Variants in LRRC36 observed in about 807,000 individuals in gnomAD.
LRRC36 encodes the protein leucine rich repeat containing 36.
Under a neutral mutation model 81.1 loss-of-function variants are expected in LRRC36, and 62 were observed. That is an observed-to-expected ratio of 0.76 (90% CI 0.62 to 0.94). The LOEUF is 0.94. Ranked by LOEUF, LRRC36 falls within the 40% of genes least tolerant of loss-of-function variation. The probability of loss-of-function intolerance (pLI) is 0.00; values close to 1 mark genes in which losing one functional copy is unlikely to be tolerated. For synonymous variants in LRRC36, 334 were observed against 348.6 expected (o/e 0.96, Z 0.47); for missense variants, 761 against 881.7 (o/e 0.86, Z 1.73).
At chr16:67,373,007 T>C (rs2039717938) in intron 9 of LRRC36, among the ~76,000 whole-genome samples, 1 of 152,206 alleles carries the variant, frequency 6.6e-6, no homozygotes, top group South Asian at 2.1e-4. Flanking sequence ...TTTGGGATGT[T>C]ATATTAATCA....
At chr16:67,356,990 G>A (rs896427961) in intron 5 of LRRC36, among the ~76,000 whole-genome samples, 3 of 152,154 alleles carry the variant, frequency 2.0e-5, no homozygotes, top group Non-Finnish European at 4.4e-5. Flanking sequence ...ATCTCTTAGA[G>A]GTGAGGCATG....
chr16:67,361,501 AT>A (rs1424932528), intron 5 of LRRC36, among the ~76,000 whole-genome samples: 1 of 152,206 alleles, frequency 6.6e-6, no homozygotes, highest in African/African-American at 2.4e-5. Context: ...GTTAAAATTT[AT>A]CACTTTTTTG....
intron 6 of LRRC36, 38 bp downstream of exon 6, chr16:67,363,752 C>A: frequency 1.2e-6 from 2 of 1,603,354 alleles, no homozygotes; most frequent in Admixed American, 3.4e-5. Flanking sequence ...GTTGACTAGT[C>A]AATGATTAAT....
At chr16:67,350,741 T>A (rs1225519837) in intron 5 of LRRC36, among the ~76,000 whole-genome samples, 1 of 152,152 alleles carries the variant, frequency 6.6e-6, no homozygotes, top group Non-Finnish European at 1.5e-5. Context: ...CCAATATAGC[T>A]AAAGTGGTTA....
intron 1 of LRRC36, among the ~76,000 whole-genome samples, chr16:67,328,990 A>T (rs2037343499): frequency 6.6e-6 from 1 of 152,012 alleles, no homozygotes; most frequent in Non-Finnish European, 1.5e-5. Flanking sequence ...GCTCACTGTA[A>T]TCTCCACCTC....
At chr16:67,336,002 G>A (rs1411088443) in intron 1 of LRRC36, among the ~76,000 whole-genome samples, 1 of 152,200 alleles carries the variant, frequency 6.6e-6, no homozygotes, top group Non-Finnish European at 1.5e-5. Flanking sequence ...AAAGTGTTGG[G>A]ATTACAGGCG....
At chr16:67,352,591 C>T (rs1307431097) in intron 5 of LRRC36, among the ~76,000 whole-genome samples, 1 of 151,618 alleles carries the variant, frequency 6.6e-6, no homozygotes, top group East Asian at 1.9e-4. Flanking sequence ...TTTCTCTTTG[C>T]CCCTATTGAT....
At chr16:67,346,198 T>C in intron 2 of LRRC36, 58 bp from the exon 3 acceptor site, 2 of 1,075,594 alleles carry the variant, frequency 1.9e-6, no homozygotes, top group Admixed American at 2.3e-5. Flanking sequence ...CATCTTTATC[T>C]ATGAGGTTCC....
At chr16:67,366,016 G>A (rs769072641) in intron 7 of LRRC36, among the ~76,000 whole-genome samples, 17 of 152,054 alleles carry the variant, frequency 1.1e-4, no homozygotes, top group Non-Finnish European at 1.6e-4. Context: ...AGGTCTATTA[G>A]TGATGAGCTC....
chr16:67,329,222 A>C (rs2142549819), intron 1 of LRRC36, among the ~76,000 whole-genome samples: 1 of 152,162 alleles, frequency 6.6e-6, no homozygotes, highest in South Asian at 2.1e-4. Flanking sequence ...ATGTATTTTT[A>C]AAAGCTAAGA....
At chr16:67,336,538 A>G (rs1223464035) in intron 1 of LRRC36, 1 of 152,128 alleles carries the variant, frequency 6.6e-6, no homozygotes, top group Non-Finnish European at 1.5e-5. Flanking sequence ...GTGGTATCTC[A>G]TTTTAATTTG....
Position 67,385,141 on chromosome 16 carries a change from C to T in LRRC36, c.*52C>T, listed in dbSNP as rs759451155. 34 of 1,375,596 alleles carry T rather than the reference C, an allele frequency of 2.5e-5. No individual in the cohort carries two copies. The highest frequency in any genetic ancestry group is 3.3e-5 in the Non-Finnish European group (32 of 970,048). The allele number at this position is 1,375,596 out of a possible 1,614,324, so 85.2% of individuals were successfully genotyped here. A position where few individuals can be genotyped will look rare whatever the true frequency, so the allele number is the denominator to read the frequency against. ...TTCCCTGGTCCACAGAGGCTCTCAC[C>T]GCCATTGCCACCAGTATGGTGGTAT... On this transcript the variant is annotated 3_prime_UTR_variant, in exon 14 of 14. Transcript: ENST00000329956.
At chr16:67,367,982 C>T (rs1350404186) in intron 8 of LRRC36, among the ~76,000 whole-genome samples, 1 of 152,202 alleles carries the variant, frequency 6.6e-6, no homozygotes, top group East Asian at 1.9e-4. Context: ...TTGCTTGAAC[C>T]TGGGAGGCAG....
chr16:67,334,513 C>T (rs527827962), intron 1 of LRRC36, among the ~76,000 whole-genome samples: 10 of 151,856 alleles, frequency 6.6e-5, no homozygotes, highest in South Asian at 6.2e-4. Context: ...TTAGTAGAGA[C>T]GGGGTTTCAC....
chr16:67,326,951 G>A lies in LRRC36; in HGVS notation c.70+19G>A. ...CAGCCGGGTAGGGTCTGGCCGGGAGGGTGTGGACTGGGAACGTAGGGTCAG... is the reference window on the plus strand; with the variant it reads ...CAGCCGGGTAGGGTCTGGCCGGGAGAGTGTGGACTGGGAACGTAGGGTCAG... On this transcript the variant is annotated intron_variant, in intron 1 of 13. Coordinates refer to ENST00000329956, the MANE Select transcript of LRRC36 (RefSeq NM_018296.6). 6.7e-7 allele frequency: 1 copy of A among 1,495,700 alleles called. No individual in the cohort carries two copies. Among genetic ancestry groups the A allele is most frequent in the Non-Finnish European group, 8.8e-7 (1 of 1,134,356 alleles). 92.7% of individuals were successfully genotyped at this position (1,495,700 alleles called of 1,614,324 possible).
intron 1 of LRRC36, among the ~76,000 whole-genome samples, chr16:67,327,512 AAAAT>A (rs1435020101): frequency 3.3e-5 from 5 of 152,090 alleles, no homozygotes; most frequent in East Asian, 3.9e-4. Flanking sequence ...AATAATAAAT[AAAAT>A]AAATAAATAA....
chr16:67,347,140 T>C (rs909285214), intron 3 of LRRC36, among the ~76,000 whole-genome samples: 1 of 152,176 alleles, frequency 6.6e-6, no homozygotes, highest in East Asian at 1.9e-4. Context: ...TGATACAAAA[T>C]TGGATTTCAC....
chr16:67,339,313 C>A (rs995672533), intron 1 of LRRC36, among the ~76,000 whole-genome samples: 2 of 148,670 alleles, frequency 1.3e-5, no homozygotes, highest in African/African-American at 2.5e-5. Context: ...GAAAATAATT[C>A]TTTAAAAGTA....
At chr16:67,353,409 CAG>C (rs1327336199) in intron 5 of LRRC36, among the ~76,000 whole-genome samples, 1 of 151,946 alleles carries the variant, frequency 6.6e-6, no homozygotes, top group East Asian at 1.9e-4. Flanking sequence ...TTTTTTGAGA[CAG>C]AGTCTCACTG....
Sources: gnomAD v4.1 joint callset for allele counts (sites outside exome capture counted in the v4.1 genomes callset) on GRCh38, gnomAD v4.1.1 for gene constraint, MANE v1.5 for transcripts, NCBI Gene and HGNC (gene_info 2026-07-23, HGNC 2026-07-21) for gene names.